The following DTNA variants were observed in gnomAD, a reference collection of about 807,000 sequenced individuals.
The protein encoded by DTNA is dystrobrevin alpha, also known as dystrophin-related protein 3.
A neutral mutation model predicts 100.7 loss-of-function variants in DTNA; 43 were observed. That is an observed-to-expected ratio of 0.43 (90% CI 0.33 to 0.55). The LOEUF is 0.55. Among genes scored for constraint, DTNA ranks in the 20% least tolerant of loss-of-function variants. DTNA has a pLI of 0.04. For synonymous variants in DTNA, 349 were observed against 347.9 expected (o/e 1.00, Z -0.04); for missense variants, 798 against 953.9 (o/e 0.84, Z 2.15).
intron 3 of DTNA, among the ~76,000 whole-genome samples, chr18:34,777,915 T>C (rs912855116): frequency 2.6e-5 from 4 of 152,214 alleles, no homozygotes; most frequent in African/African-American, 9.6e-5. Flanking sequence ...TCCTCTTAAG[T>C]GATCTGAACT....
In DTNA at chr18:34,856,018, T is replaced by A. The variant is rs186144986; in HGVS notation, c.1533-2267T>A. Among the ~76,000 whole-genome samples, 14 of 152,286 alleles carry A rather than the reference T, an allele frequency of 9.2e-5. 1 individual carries two copies. Among genetic ancestry groups the A allele is most frequent in the Admixed American group, 7.8e-4 (12 of 15,290 alleles). ...CAACAACCCTGGCCATGCCTTAATA[T>A]CACTCTTGCTGCTTGTTTCCTGGAT... On this transcript the variant is annotated intron_variant, in intron 15 of 22. Coordinates refer to ENST00000444659, the MANE Select transcript of DTNA (RefSeq NM_001386795.1).
chr18:34,763,292 G>A (rs951087497), intron 2 of DTNA, among the ~76,000 whole-genome samples: 16 of 152,074 alleles, frequency 1.1e-4, no homozygotes, highest in African/African-American at 1.9e-4. Flanking sequence ...TCTGGTTATC[G>A]GGCATCTTAG....
chr18:34,838,502 C>T (rs1230572032), intron 12 of DTNA, among the ~76,000 whole-genome samples: 1 of 152,146 alleles, frequency 6.6e-6, no homozygotes, highest in Non-Finnish European at 1.5e-5. Flanking sequence ...AAATGTAAAT[C>T]TGTTTTCTAA....
chr18:34,776,176 C>A (rs1243721212), intron 3 of DTNA, among the ~76,000 whole-genome samples: 1 of 152,058 alleles, frequency 6.6e-6, no homozygotes, highest in African/African-American at 2.4e-5. Context: ...GTTCCAAGTC[C>A]CTTATCATCA....
At chr18:34,779,445 G>A (rs2094215901) in intron 3 of DTNA, among the ~76,000 whole-genome samples, 1 of 152,176 alleles carries the variant, frequency 6.6e-6, no homozygotes, top group African/African-American at 2.4e-5. Context: ...CATTCTAGAG[G>A]TAGCTATTTG....
At chr18:34,629,860 T>C (rs1428532068) in intron 1 of DTNA, among the ~76,000 whole-genome samples, 1 of 152,174 alleles carries the variant, frequency 6.6e-6, no homozygotes, top group African/African-American at 2.4e-5. Context: ...CTCTCTTCAC[T>C]GAGCATCTCT....
intron 1 of DTNA, among the ~76,000 whole-genome samples, chr18:34,646,082 T>A (rs1278295524): frequency 6.6e-6 from 1 of 152,190 alleles, no homozygotes; most frequent in African/African-American, 2.4e-5. Context: ...TTAAGAAATG[T>A]CTGATTGTGC....
At chr18:34,709,130 G>A (rs1358710037), upstream of DTNA, among the ~76,000 whole-genome samples, 1 of 152,130 alleles carries the variant, frequency 6.6e-6, no homozygotes, top group African/African-American at 2.4e-5. Context: ...AGGAGTTGAG[G>A]GAAAGCTTTC....
intron 1 of DTNA, among the ~76,000 whole-genome samples, chr18:34,617,447 A>C (rs1311757760): frequency 6.6e-6 from 1 of 152,150 alleles, no homozygotes; most frequent in Non-Finnish European, 1.5e-5. Flanking sequence ...GGTATGTTGA[A>C]CCAATCTTGC....
intron 17 of DTNA, chr18:34,866,359 C>A: frequency 7.1e-7 from 1 of 1,410,908 alleles, no homozygotes; most frequent in Non-Finnish European, 9.2e-7. Flanking sequence ...ACTATGACAT[C>A]TTTTAGAAAA....
At chr18:34,740,941 T>G (rs1193005173) in intron 1 of DTNA, among the ~76,000 whole-genome samples, 2 of 152,174 alleles carry the variant, frequency 1.3e-5, no homozygotes, top group African/African-American at 4.8e-5. Context: ...GGAGGTGATT[T>G]GAGGCACAGG....
chr18:34,515,874 G>C (rs1290054240), intron 1 of DTNA, among the ~76,000 whole-genome samples: 3 of 152,050 alleles, frequency 2.0e-5, no homozygotes, highest in Admixed American at 2.0e-4. Flanking sequence ...CGTGCTTGTG[G>C]AACATTAAAA....
chr18:34,571,326 C>T (rs2730112), intron 1 of DTNA, among the ~76,000 whole-genome samples: 13,983 of 152,194 alleles, frequency 0.092, 647 homozygotes, highest in South Asian at 0.11. Context: ...AAACCACTAT[C>T]AGAAACACTG....
At chr18:34,558,699 A>G (rs997372554) in intron 1 of DTNA, among the ~76,000 whole-genome samples, 1 of 152,210 alleles carries the variant, frequency 6.6e-6, no homozygotes, top group Non-Finnish European at 1.5e-5. Context: ...TCTCTTTGTC[A>G]TACAGTGGTA....
intron 19 of DTNA, 135 bp downstream of exon 19, chr18:34,877,943 T>C (rs1211322314): frequency 2.3e-6 from 2 of 874,966 alleles, no homozygotes; most frequent in Non-Finnish European, 3.5e-6. Flanking sequence ...TTTGTTGGTC[T>C]ATTCAGATTT....
At chr18:34,826,788 T>C (rs1215641587) in intron 9 of DTNA, among the ~76,000 whole-genome samples, 1 of 152,094 alleles carries the variant, frequency 6.6e-6, no homozygotes, top group East Asian at 1.9e-4. Flanking sequence ...AAAAATGGCT[T>C]GGAGATGAGA....
intron 1 of DTNA, among the ~76,000 whole-genome samples, chr18:34,542,866 TA>T (rs1455270052): frequency 6.7e-6 from 1 of 148,646 alleles, no homozygotes; most frequent in Non-Finnish European, 1.5e-5. Flanking sequence ...TTTCACACTT[TA>T]AAAAGCAACT....
At chr18:34,610,119 C>CTAGACAGAATAGTTAAACAA (rs2053938695) in intron 1 of DTNA, among the ~76,000 whole-genome samples, 1 of 152,084 alleles carries the variant, frequency 6.6e-6, no homozygotes, top group South Asian at 2.1e-4. Context: ...TCAGAGGAAT[C>CTAGACAGAATAGTTAAACAA]TAGACAGAAT....
At chr18:34,683,932 C>T (rs1045475395) in intron 1 of DTNA, among the ~76,000 whole-genome samples, 2 of 151,918 alleles carry the variant, frequency 1.3e-5, no homozygotes, top group Admixed American at 6.6e-5. Flanking sequence ...GGAAGAGACC[C>T]CTGAAACAAT....
Sources: gnomAD v4.1 joint callset for allele counts (sites outside exome capture counted in the v4.1 genomes callset) on GRCh38, gnomAD v4.1.1 for gene constraint, MANE v1.5 for transcripts, NCBI Gene and HGNC (gene_info 2026-07-23, HGNC 2026-07-21) for gene names.